The following WWC2 variants were observed in gnomAD, a reference collection of about 807,000 sequenced individuals.
The protein encoded by WWC2 is WW and C2 domain containing 2, also known as protein WWC2.
Under a neutral mutation model 138.5 loss-of-function variants are expected in WWC2, and 101 were observed. The observed-to-expected ratio is 0.73, with a 90% CI of 0.62 to 0.86. The LOEUF is 0.86. Ranked by LOEUF, WWC2 falls within the 40% of genes least tolerant of loss-of-function variation. WWC2 has a pLI of 0.00. For missense variants in WWC2, 1,420 were observed against 1,419.4 expected, an observed-to-expected ratio of 1.00 and a Z score of -0.01; for synonymous variants, 558 against 538.4, an observed-to-expected ratio of 1.04 and a Z score of -0.50.
At chr4:183,115,996 C>G (rs561214539) in intron 1 of WWC2, among the ~76,000 whole-genome samples, 16 of 152,122 alleles carry the variant, frequency 1.1e-4, no homozygotes, top group African/African-American at 3.1e-4. Flanking sequence ...GTCTTTAATC[C>G]AGCTCTAGTT....
chr4:183,243,110 G>A (rs17356502), intron 5 of WWC2, among the ~76,000 whole-genome samples: 1,883 of 152,300 alleles, frequency 0.012, 14 homozygotes, highest in South Asian at 0.022. Context: ...ATTTAAATTA[G>A]CAGTCTTGAA....
At chr4:183,113,094 A>G (rs1412946971) in intron 1 of WWC2, among the ~76,000 whole-genome samples, 2 of 152,016 alleles carry the variant, frequency 1.3e-5, no homozygotes, top group African/African-American at 4.8e-5. Flanking sequence ...CCAACATGGC[A>G]AAACCCCATC....
chr4:183,184,060 T>C (rs929898221), intron 1 of WWC2, among the ~76,000 whole-genome samples: 1 of 152,220 alleles, frequency 6.6e-6, no homozygotes, highest in Non-Finnish European at 1.5e-5. Flanking sequence ...ACATTCACAA[T>C]GTTGTGCAAC....
At chr4:183,262,294 G>A (rs764098662) in intron 11 of WWC2, among the ~76,000 whole-genome samples, 1 of 152,208 alleles carries the variant, frequency 6.6e-6, no homozygotes, top group Non-Finnish European at 1.5e-5. Context: ...AGGATGATCT[G>A]TTCCAGAGCT....
Position 183,219,948 on chromosome 4 carries a change from G to C in WWC2, c.522+10923G>C, listed in dbSNP as rs543808856. Among the ~76,000 whole-genome samples, 35 of 152,262 alleles carry C rather than the reference G, an allele frequency of 2.3e-4. No homozygotes were observed. In the South Asian group the frequency reaches 7.3e-3, roughly 32 times the overall value. ...TGGGTGGTAGAGAAATTATCCTGGG[G>C]AACTGGAGGTAACACACAAGCCCTT... On this transcript the variant is annotated intron_variant, in intron 4 of 22. Coordinates refer to ENST00000403733, the MANE Select transcript of WWC2 (RefSeq NM_024949.6).
chr4:183,239,323 A>C (rs1175701465), intron 4 of WWC2, among the ~76,000 whole-genome samples: 6 of 152,012 alleles, frequency 3.9e-5, no homozygotes, highest in Non-Finnish European at 7.4e-5. Flanking sequence ...CAAAAAAAAA[A>C]CAAACAAACA....
intron 16 of WWC2, among the ~76,000 whole-genome samples, chr4:183,276,944 T>C (rs1246665422): frequency 2.6e-5 from 4 of 151,990 alleles, no homozygotes; most frequent in Non-Finnish European, 5.9e-5. Flanking sequence ...GACAACTTAA[T>C]TGTTAGTTCA....
At chr4:183,149,351 G>A (rs182861287) in intron 1 of WWC2, among the ~76,000 whole-genome samples, 43 of 152,220 alleles carry the variant, frequency 2.8e-4, no homozygotes, top group East Asian at 2.1e-3. Context: ...GGCCGGGCGC[G>A]GTGGCTCACG....
chr4:183,162,348 A>G (rs908806012), intron 1 of WWC2, among the ~76,000 whole-genome samples: 26 of 152,210 alleles, frequency 1.7e-4, no homozygotes, highest in African/African-American at 5.8e-4. Context: ...TCATGGAATA[A>G]TTATACTCTG....
In WWC2 at chr4:183,261,227, C is replaced by T. The variant is rs749779947; in HGVS notation, c.1604C>T (p.Pro535Leu). 1 of 1,612,936 alleles carries T rather than the reference C, an allele frequency of 6.2e-7. No individual in the cohort carries two copies. Among genetic ancestry groups the T allele is most frequent in the Non-Finnish European group, 8.5e-7 (1 of 1,179,508 alleles). ...GCTGCAGCAACAGGCCACACTCCTC[C>T]ACTGGCTGAGGCCCCGAAGTCTGTG... ...VAAAATGHTP[P>L]LAEAPKSVAS... Residue 535 changes from proline (P) to leucine (L), a missense_variant, in exon 11 of 23, where the codon CCA becomes CTA. By Grantham distance (98) the Pro-to-Leu change is moderately conservative. Coordinates refer to ENST00000403733, the MANE Select transcript of WWC2 (RefSeq NM_024949.6).
intron 2 of WWC2, among the ~76,000 whole-genome samples, chr4:183,196,431 C>G (rs1242716402): frequency 2.0e-5 from 3 of 152,198 alleles, no homozygotes. Flanking sequence ...TTCTTCTTCA[C>G]CGGGACCTGC....
At chr4:183,221,584 TAAAC>T (rs1466362467) in intron 4 of WWC2, among the ~76,000 whole-genome samples, 1 of 152,180 alleles carries the variant, frequency 6.6e-6, no homozygotes, top group African/African-American at 2.4e-5. Context: ...TTAGACATCA[TAAAC>T]AGAAATATAT....
intron 16 of WWC2, among the ~76,000 whole-genome samples, chr4:183,273,750 T>C (rs1737769763): frequency 6.6e-6 from 1 of 152,204 alleles, no homozygotes; most frequent in African/African-American, 2.4e-5. Flanking sequence ...GCACAAAAGT[T>C]TTTAATTTTC....
chr4:183,255,968 A>G (rs998782967), intron 9 of WWC2, among the ~76,000 whole-genome samples: 3 of 151,772 alleles, frequency 2.0e-5, no homozygotes, highest in Non-Finnish European at 4.4e-5. Context: ...ATTTATTTTA[A>G]AAATTATTTA....
chr4:183,245,429 A>G lies in WWC2; in HGVS notation c.616A>G (p.Met206Val). The part of the protein sequence containing the change: ...FETLQQIDKK[M>V]SGGQSGYELS... ...CTCTTTTCACAGAATTGATAAAAAA[A>G]TGTCTGGAGGCCAGAGCGGGTATGA... Residue 206 changes from methionine to valine, a missense_variant, in exon 6 of 23, where the codon ATG (methionine) becomes GTG (valine). Physicochemically the swap from Met to Val is conservative, Grantham distance 21. Coordinates refer to ENST00000403733, the MANE Select transcript of WWC2 (RefSeq NM_024949.6). 2 of 1,557,974 alleles carry G rather than the reference A, an allele frequency of 1.3e-6. No individual in the cohort carries two copies. The highest frequency in any genetic ancestry group is 1.7e-6 in the Non-Finnish European group (2 of 1,160,814).
intron 1 of WWC2, among the ~76,000 whole-genome samples, chr4:183,183,737 C>G (rs191990110): frequency 6.6e-6 from 1 of 151,806 alleles, no homozygotes; most frequent in Non-Finnish European, 1.5e-5. Context: ...GAGCCGTGAT[C>G]GTCCCGCTGC....
intron 1 of WWC2, among the ~76,000 whole-genome samples, chr4:183,119,426 G>A (rs1012424001): frequency 2.6e-5 from 4 of 152,030 alleles, no homozygotes; most frequent in African/African-American, 9.7e-5. Context: ...TCTTCTTCAG[G>A]TCACTATTGA....
At chr4:183,190,498 A>G (rs1274038839) in intron 1 of WWC2, among the ~76,000 whole-genome samples, 3 of 152,118 alleles carry the variant, frequency 2.0e-5, no homozygotes, top group Non-Finnish European at 4.4e-5. Context: ...TTTATATTTT[A>G]TAATTTGCAT....
intron 15 of WWC2, chr4:183,269,627 A>G (rs904399567): frequency 2.1e-5 from 8 of 385,992 alleles, no homozygotes; most frequent in Middle Eastern, 3.6e-4. Flanking sequence ...CGGTCATACA[A>G]CTAGTAAGCG....
Sources: gnomAD v4.1 joint callset for allele counts (sites outside exome capture counted in the v4.1 genomes callset) on GRCh38, gnomAD v4.1.1 for gene constraint, MANE v1.5 for transcripts, NCBI Gene and HGNC (gene_info 2026-07-23, HGNC 2026-07-21) for gene names.